CES1: variants seen among roughly 807,000 people sequenced by gnomAD.
CES1 encodes carboxylesterase 1.
A neutral mutation model predicts 53.0 loss-of-function variants in CES1; 50 were observed. The observed-to-expected ratio is 0.94, with a 90% CI of 0.75 to 1.19. The LOEUF (loss-of-function observed/expected upper bound fraction) is 1.19, where lower values mean the gene tolerates loss of function less well. Ranked by LOEUF, CES1 falls within the 50% of genes most tolerant of loss-of-function variation. CES1 has a pLI of 0.00. For synonymous variants in CES1, 202 were observed against 210.1 expected (o/e 0.96, Z 0.33); for missense variants, 534 against 538.0 (o/e 0.99, Z 0.07).
chr16:55,832,710 C>G (rs1342420618), intron 1 of CES1, among the ~76,000 whole-genome samples: 2 of 152,232 alleles, frequency 1.3e-5, no homozygotes, highest in Non-Finnish European at 2.9e-5. Flanking sequence ...AATTAAGGGA[C>G]AGCAAACTGA....
intron 9 of CES1, among the ~76,000 whole-genome samples, chr16:55,811,728 A>C (rs1428851176): frequency 6.6e-6 from 1 of 152,204 alleles, no homozygotes; most frequent in Non-Finnish European, 1.5e-5. Flanking sequence ...CAGTTACTTT[A>C]GAAGCCTGCA....
intron 1 of CES1, among the ~76,000 whole-genome samples, chr16:55,830,819 A>AAGGAAGGAAGGCAGGCAGGCAGGCAGGC (rs1454708070): frequency 2.0e-4 from 25 of 127,316 alleles, no homozygotes; most frequent in Non-Finnish European, 3.0e-4. Flanking sequence ...GGAAGGAAGG[A>AAGGAAGGAAGGCAGGCAGGCAGGCAGGC]AGGCAGGCAG....
chr16:55,813,413 T>C (rs2031793507), intron 8 of CES1, among the ~76,000 whole-genome samples: 1 of 152,166 alleles, frequency 6.6e-6, no homozygotes, highest in African/African-American at 2.4e-5. Context: ...CCGTGAGTAC[T>C]GAATTAGAGA....
chr16:55,829,620 G>A (rs2142356328), intron 1 of CES1, among the ~76,000 whole-genome samples: 1 of 152,354 alleles, frequency 6.6e-6, no homozygotes, highest in African/African-American at 2.4e-5. Flanking sequence ...CCTGGGGAAG[G>A]GGGCATGGCC....
Position 55,819,657 on chromosome 16 carries a change from A to G in CES1, c.802-18T>C. 6.3e-7 allele frequency: 1 copy of G among 1,592,768 alleles called. No homozygotes were observed. The highest frequency in any genetic ancestry group is 8.6e-7 in the Non-Finnish European group (1 of 1,160,616). ...GCAATTTGCTGCAAAGATCACAGGCAACAACAGAGTTCAAGAGCGACATCC... is the reference window on the plus strand; with the variant it reads ...GCAATTTGCTGCAAAGATCACAGGCGACAACAGAGTTCAAGAGCGACATCC... On this transcript the variant is annotated intron_variant, in intron 6 of 13. Coordinates refer to ENST00000360526, the MANE Select transcript of CES1 (RefSeq NM_001025195.2).
intron 11 of CES1, among the ~76,000 whole-genome samples, chr16:55,809,815 G>A (rs1317997527): frequency 6.6e-6 from 1 of 152,164 alleles, no homozygotes; most frequent in Non-Finnish European, 1.5e-5. Context: ...GTTTGCAGCT[G>A]GCTCAGACCT....
At chr16:55,819,793 C>T (rs146514435) in intron 6 of CES1, among the ~76,000 whole-genome samples, 154 bp from the exon 7 acceptor site, 10 of 152,300 alleles carry the variant, frequency 6.6e-5, no homozygotes, top group African/African-American at 1.9e-4. Flanking sequence ...CCAGGTCCCA[C>T]GGAGCGTTGC....
Position 55,833,057 on chromosome 16 carries a change from G to A in CES1, c.-2C>T, listed in dbSNP as rs12149368. ...CAGGATAAAGGCACGGAGCCACATC[G>A]TGGAAGGGCGACAGTTCTCGGGGCC... On this transcript the variant is annotated 5_prime_UTR_variant, in exon 1 of 14. It adds an upstream start codon to the 5' untranslated region. Coordinates refer to ENST00000360526, the MANE Select transcript of CES1 (RefSeq NM_001025195.2). 1.3e-6 allele frequency: 2 copies of A among 1,531,806 alleles called. No homozygotes were observed. Among genetic ancestry groups the A allele is most frequent in the Non-Finnish European group, 1.8e-6 (2 of 1,124,014 alleles). The allele number at this position is 1,531,806 out of a possible 1,614,324, so 94.9% of individuals were successfully genotyped here.
At chr16:55,831,866 C>T (rs3859097) in intron 1 of CES1, among the ~76,000 whole-genome samples, 28,560 of 113,866 alleles carry the variant, frequency 0.25, 2,286 homozygotes, top group Middle Eastern at 0.3. Flanking sequence ...CTGTGTGAGT[C>T]TCAGTTTCTC....
chr16:55,824,695 G>A (rs539064851), intron 3 of CES1, among the ~76,000 whole-genome samples: 1 of 152,390 alleles, frequency 6.6e-6, no homozygotes, highest in East Asian at 1.9e-4. Flanking sequence ...TGTTAGGGCA[G>A]GGGTATGAGC....
chr16:55,826,208 G>A lies in CES1; in HGVS notation c.348C>T (p.Asp116=). 8.1e-6 allele frequency: 13 copies of A among 1,613,952 alleles called. No homozygotes were observed. The highest frequency in any genetic ancestry group is 1.1e-5 in the Non-Finnish European group (13 of 1,179,844). ...GAGTGTAAATATTGAGGTAAAGACA[G>A]TCTTCAGAAAGCTTGAGAGGAATGT... is the stretch of plus-strand genomic sequence containing the variant. ...KENIPLKLSE[D]CLYLNIYTPA... Residue 116 remains aspartate (D), a synonymous_variant, in exon 3 of 14, where the codon GAC becomes GAT. Coordinates refer to ENST00000360526, the MANE Select transcript of CES1 (RefSeq NM_001025195.2).
intron 11 of CES1, among the ~76,000 whole-genome samples, chr16:55,809,871 C>T (rs2031610260): frequency 6.6e-6 from 1 of 152,238 alleles, no homozygotes; most frequent in Non-Finnish European, 1.5e-5. Context: ...CCTACAGCAG[C>T]CCTATGTCCC....
At position 55,821,462 on chromosome 16, in the gene CES1, C is replaced by T. The variant is rs2307243; in HGVS notation, c.599G>A (p.Arg200His). The change falls in exon 5 of 14, where the codon CGC becomes CAC. Residue 200 changes from arginine to histidine, a missense_variant. Coordinates refer to ENST00000360526, the MANE Select transcript of CES1 (RefSeq NM_001025195.2). Reference sequence around the variant, plus strand: ...GCTGGCAATGTTGTCCTGGACCCAGCGCAGGGCAGCCACCTGGTCCAGGTG... The same window carrying T: ...GCTGGCAATGTTGTCCTGGACCCAGTGCAGGGCAGCCACCTGGTCCAGGTG... ...WGHLDQVAAL[R>H]WVQDNIASFG... The T allele has an allele frequency of 5.9e-4, 945 of 1,614,150 alleles. 4 individuals are homozygous for T. In the African/African-American group the frequency reaches 6.7e-3, roughly 11 times the overall value.
chr16:55,831,677 A>G (rs2032681324), intron 1 of CES1, among the ~76,000 whole-genome samples: 1 of 148,014 alleles, frequency 6.8e-6, no homozygotes. Flanking sequence ...AGGTAAAGGA[A>G]CATTCAGTTC....
At chr16:55,828,184 C>A (rs1399108242) in intron 2 of CES1, 4 of 188,100 alleles carry the variant, frequency 2.1e-5, no homozygotes, top group Non-Finnish European at 4.5e-5. Flanking sequence ...CCAATTAGAA[C>A]CTTTGGGCTT....
At chr16:55,815,814 T>C (rs1248723574) in intron 8 of CES1, among the ~76,000 whole-genome samples, 1 of 152,194 alleles carries the variant, frequency 6.6e-6, no homozygotes, top group African/African-American at 2.4e-5. Context: ...GAGACCTTTG[T>C]GAGATCTAAG....
chr16:55,808,991 TTTC>T (rs1299409077), intron 11 of CES1, among the ~76,000 whole-genome samples: 2 of 151,326 alleles, frequency 1.3e-5, no homozygotes, highest in Non-Finnish European at 2.9e-5. Context: ...TTTTTGAAAG[TTTC>T]TATAATTTAA....
intron 5 of CES1, among the ~76,000 whole-genome samples, chr16:55,820,803 T>C (rs1234454865): frequency 6.6e-6 from 1 of 151,870 alleles, no homozygotes; most frequent in African/African-American, 2.4e-5. Context: ...CCCTCCTTCC[T>C]CTGCCTGCCT....
intron 7 of CES1, among the ~76,000 whole-genome samples, 175 bp downstream of exon 7, chr16:55,819,360 T>C (rs1567499260): frequency 6.6e-6 from 1 of 152,242 alleles, no homozygotes; most frequent in African/African-American, 2.4e-5. Flanking sequence ...TTTTTGACTT[T>C]CTTTTTTTAC....
Sources: allele counts gnomAD v4.1 joint callset (sites outside exome capture counted in the v4.1 genomes callset), GRCh38; gene constraint gnomAD v4.1.1; transcripts MANE v1.5; gene names NCBI Gene and HGNC (gene_info 2026-07-23, HGNC 2026-07-21).